PPP3CA: variants seen among roughly 807,000 people sequenced by gnomAD.
PPP3CA encodes protein phosphatase 3 catalytic subunit alpha.
Under a neutral mutation model 66.5 loss-of-function variants are expected in PPP3CA, and 14 were observed. The ratio of observed to expected loss-of-function variants is 0.21; its 90% CI spans 0.14 to 0.33. PPP3CA has a LOEUF of 0.33. Ranked by LOEUF, PPP3CA falls within the 10% of genes least tolerant of loss-of-function variation. PPP3CA has a pLI of 1.00. For synonymous variants in PPP3CA, 232 were observed against 226.2 expected (o/e 1.03, Z -0.23); for missense variants, 317 against 639.5 (o/e 0.50, Z 5.44).
chr4:101,322,504 G>A lies in PPP3CA; in HGVS notation c.58+24235C>T, dbSNP rs149074162. ...CAGCTCACTACAACCTCTGCCTCCC[G>A]GGTTCAAGCGATTCTCGTGCCTCAG... On this transcript the variant is annotated intron_variant, in intron 1 of 13. Transcript: ENST00000394854. Among the ~76,000 whole-genome samples the A allele has an allele frequency of 4.8e-3, 721 of 150,138 alleles. 5 individuals are homozygous for A. The highest frequency in any genetic ancestry group is 0.017 in the African/African-American group (672 of 40,470).
At chr4:101,177,588 C>T (rs1202476661) in intron 2 of PPP3CA, among the ~76,000 whole-genome samples, 1 of 151,910 alleles carries the variant, frequency 6.6e-6, no homozygotes, top group Admixed American at 6.6e-5. Flanking sequence ...TTACTTGGAA[C>T]CAAAACAAAT....
intron 3 of PPP3CA, chr4:101,108,282 T>A (rs968726762): frequency 1.3e-5 from 2 of 152,242 alleles, no homozygotes; most frequent in African/African-American, 4.8e-5. Flanking sequence ...TAAGTTACTG[T>A]CTCACAATTA....
intron 1 of PPP3CA, among the ~76,000 whole-genome samples, chr4:101,270,843 T>G (rs1373737163): frequency 6.6e-6 from 1 of 152,176 alleles, no homozygotes; most frequent in Non-Finnish European, 1.5e-5. Context: ...TTTGTAAGTT[T>G]GAACCCCAAA....
chr4:101,108,422 C>A (rs1721513117), intron 3 of PPP3CA, among the ~76,000 whole-genome samples: 2 of 152,120 alleles, frequency 1.3e-5, no homozygotes, highest in African/African-American at 4.8e-5. Flanking sequence ...ATAAAATGTA[C>A]AAAAGGCAAA....
chr4:101,187,119 A>G (rs1724436842), intron 2 of PPP3CA, among the ~76,000 whole-genome samples: 1 of 152,182 alleles, frequency 6.6e-6, no homozygotes. Flanking sequence ...CACAATTTTA[A>G]TGTGGACACC....
chr4:101,275,388 A>G (rs1465650154), intron 1 of PPP3CA, among the ~76,000 whole-genome samples: 6 of 152,198 alleles, frequency 3.9e-5, no homozygotes. Flanking sequence ...TCGCCTATAG[A>G]AAGTTATACC....
chr4:101,303,986 C>T lies in PPP3CA; in HGVS notation c.58+42753G>A, dbSNP rs183376488. Among the ~76,000 whole-genome samples, 75 of 152,240 alleles carry T rather than the reference C, an allele frequency of 4.9e-4. 1 individual carries two copies. The highest frequency in any genetic ancestry group is 1.5e-3 in the African/African-American group (61 of 41,554). ...AACTGTTTTTTGTTCCATTAATGTGCTGACGCCCTGTACATATTAGTTAAC... is the reference window on the plus strand; with the variant it reads ...AACTGTTTTTTGTTCCATTAATGTGTTGACGCCCTGTACATATTAGTTAAC... On this transcript the variant is annotated intron_variant, in intron 1 of 13. Coordinates refer to ENST00000394854, the MANE Select transcript of PPP3CA (RefSeq NM_000944.5).
chr4:101,099,514 C>T, intron 4 of PPP3CA, 97 bp downstream of exon 4: 1 of 590,862 alleles, frequency 1.7e-6, no homozygotes, highest in Non-Finnish European at 2.8e-6. Flanking sequence ...AAGTCTTTGA[C>T]TTTAGGCAAT....
chr4:101,297,223 AT>A (rs1413519354), intron 1 of PPP3CA, among the ~76,000 whole-genome samples: 3 of 152,188 alleles, frequency 2.0e-5, no homozygotes, highest in African/African-American at 7.2e-5. Context: ...TTCTCTAGTC[AT>A]TTCTTTTGGA....
intron 1 of PPP3CA, among the ~76,000 whole-genome samples, chr4:101,320,303 CAACT>C (rs1016527995): frequency 2.0e-5 from 3 of 151,938 alleles, no homozygotes; most frequent in Non-Finnish European, 4.4e-5. Flanking sequence ...TGCCCAAAAA[CAACT>C]AACATAAAAT....
chr4:101,122,788 G>A (rs1017366232), intron 2 of PPP3CA, among the ~76,000 whole-genome samples: 3 of 152,104 alleles, frequency 2.0e-5, no homozygotes, highest in African/African-American at 7.2e-5. Context: ...AAGGTATTTC[G>A]AGGAGAACAA....
chr4:101,156,065 CCAGA>C lies in PPP3CA; in HGVS notation c.259+39847_259+39850del, dbSNP rs540952270. 2.6e-4 allele frequency among the ~76,000 whole-genome samples: 40 copies of C among 152,176 alleles called. No homozygotes were observed. The South Asian group carries it at 8.1e-3, about 31-fold the overall frequency. On this transcript the variant is annotated intron_variant, in intron 2 of 13. Coordinates refer to ENST00000394854, the MANE Select transcript of PPP3CA (RefSeq NM_000944.5). ...TAAAAGTCAGAGTGGGGTTTCACAC[CCAGA>C]CAGTCTGATTCCTAGTACCTGCTCT...
chr4:101,209,070 C>G (rs1212169725), intron 1 of PPP3CA, among the ~76,000 whole-genome samples: 2 of 152,050 alleles, frequency 1.3e-5, no homozygotes, highest in Non-Finnish European at 2.9e-5. Context: ...TTCTTCAAAA[C>G]AAACTGTTCA....
intron 2 of PPP3CA, among the ~76,000 whole-genome samples, chr4:101,127,537 A>G (rs746280020): frequency 2.6e-5 from 4 of 152,130 alleles, no homozygotes; most frequent in Admixed American, 1.3e-4. Context: ...CAGAAGCTGG[A>G]AGAGGCAAGG....
At chr4:101,259,078 T>C (rs906866645) in intron 1 of PPP3CA, among the ~76,000 whole-genome samples, 1 of 152,142 alleles carries the variant, frequency 6.6e-6, no homozygotes, top group Admixed American at 6.6e-5. Flanking sequence ...TATATTTAAA[T>C]ACTTTTATTG....
intron 6 of PPP3CA, among the ~76,000 whole-genome samples, chr4:101,085,163 T>G (rs1361701537): frequency 6.6e-6 from 1 of 152,216 alleles, no homozygotes; most frequent in East Asian, 1.9e-4. Context: ...CAGAATAGGT[T>G]CTCAATAAAT....
At chr4:101,046,190 T>A (rs539623343) in intron 10 of PPP3CA, among the ~76,000 whole-genome samples, 1 of 150,752 alleles carries the variant, frequency 6.6e-6, no homozygotes, top group South Asian at 2.2e-4. Flanking sequence ...GATTTTGTTT[T>A]AAAAGTCTAA....
At chr4:101,171,671 T>C (rs1426112409) in intron 2 of PPP3CA, among the ~76,000 whole-genome samples, 1 of 152,176 alleles carries the variant, frequency 6.6e-6, no homozygotes, top group African/African-American at 2.4e-5. Flanking sequence ...AGAGTGCCCA[T>C]GCTCAGTCAT....
chr4:101,224,476 G>T (rs1252701639), intron 1 of PPP3CA, among the ~76,000 whole-genome samples: 3 of 151,610 alleles, frequency 2.0e-5, no homozygotes, highest in African/African-American at 7.3e-5. Context: ...TCCTTTAAAA[G>T]CTATTACTTC....
Sources: allele counts gnomAD v4.1 joint callset (sites outside exome capture counted in the v4.1 genomes callset), GRCh38; gene constraint gnomAD v4.1.1; transcripts MANE v1.5; gene names NCBI Gene and HGNC (gene_info 2026-07-23, HGNC 2026-07-21).